Variants in DGKB observed in about 807,000 individuals in gnomAD.
The protein encoded by DGKB is 90 kDa diacylglycerol kinase.
Under a neutral mutation model 114.3 loss-of-function variants are expected in DGKB, and 67 were observed. The ratio of observed to expected loss-of-function variants is 0.59; its 90% CI spans 0.48 to 0.72. DGKB has a LOEUF of 0.72. DGKB is among the 30% of genes least tolerant of loss of function. The pLI is 0.00. For synonymous variants in DGKB, 398 were observed against 323.1 expected (o/e 1.23, Z -2.49); for missense variants, 907 against 975.2 (o/e 0.93, Z 0.93).
At chr7:14,286,723 T>G (rs553374861) in intron 23 of DGKB, among the ~76,000 whole-genome samples, 1 of 152,258 alleles carries the variant, frequency 6.6e-6, no homozygotes, top group African/African-American at 2.4e-5. Flanking sequence ...ATTAAATGTC[T>G]GGATAATTTC....
chr7:14,662,526 A>G (rs1047411072), intron 13 of DGKB, among the ~76,000 whole-genome samples: 1 of 151,960 alleles, frequency 6.6e-6, no homozygotes, highest in African/African-American at 2.4e-5. Flanking sequence ...ATTCTTCATA[A>G]AGATGTTCAC....
At chr7:14,526,815 CCA>C (rs1429796855) in intron 20 of DGKB, among the ~76,000 whole-genome samples, 2 of 151,938 alleles carry the variant, frequency 1.3e-5, no homozygotes, top group African/African-American at 2.4e-5. Flanking sequence ...TACACACACG[CCA>C]CACACAGACA....
chr7:14,577,744 C>CTAA (rs1262241600), intron 19 of DGKB, among the ~76,000 whole-genome samples: 1 of 152,080 alleles, frequency 6.6e-6, no homozygotes, highest in African/African-American at 2.4e-5. Context: ...AAAAAGAATG[C>CTAA]TAATTAAGCT....
chr7:14,627,588 G>GTA (rs1449265749), intron 14 of DGKB, among the ~76,000 whole-genome samples: 2 of 146,978 alleles, frequency 1.4e-5, no homozygotes, highest in Non-Finnish European at 3.0e-5. Flanking sequence ...GTCTGTGTCT[G>GTA]TGTGTGTGTG....
chr7:14,162,848 G>C (rs1024877473), intron 25 of DGKB, among the ~76,000 whole-genome samples: 1 of 152,114 alleles, frequency 6.6e-6, no homozygotes, highest in Admixed American at 6.6e-5. Context: ...TAATCAGCTT[G>C]GCATTAATTA....
intron 7 of DGKB, among the ~76,000 whole-genome samples, chr7:14,700,748 C>T (rs963281885): frequency 2.0e-5 from 3 of 152,122 alleles, no homozygotes; most frequent in African/African-American, 7.2e-5. Context: ...ACGAGAAAAA[C>T]TCACTCATTT....
chr7:14,646,044 T>G (rs2128884885), intron 13 of DGKB, among the ~76,000 whole-genome samples: 1 of 152,288 alleles, frequency 6.6e-6, no homozygotes, highest in Middle Eastern at 3.4e-3. Flanking sequence ...ATGAAGAGGT[T>G]TAATTCACCA....
intron 2 of DGKB, among the ~76,000 whole-genome samples, chr7:14,761,294 T>G (rs533484211): frequency 1.3e-5 from 2 of 152,160 alleles, no homozygotes; most frequent in Non-Finnish European, 2.9e-5. Flanking sequence ...GAGTTCAGGA[T>G]ATCCATAACC....
intron 23 of DGKB, among the ~76,000 whole-genome samples, chr7:14,184,571 A>G (rs1422614804): frequency 6.6e-6 from 1 of 152,042 alleles, no homozygotes; most frequent in East Asian, 1.9e-4. Flanking sequence ...TAGGTATACA[A>G]GTCCAGGGAC....
rs1432942673 is a variant in DGKB, at chr7:14,647,295, TAA to T, written c.1135-17029_1135-17028del. On this transcript the variant is annotated intron_variant, in intron 13 of 25. Transcript: ENST00000402815. The stretch of plus-strand genomic sequence containing the variant: ...AAAATCTGAACAGACCAATTACAAG[TAA>T]CAAGACTGAATCAGAAATAAAAAGT... Among the ~76,000 whole-genome samples the T allele has an allele frequency of 2.6e-5, 4 of 151,898 alleles. No homozygotes were observed. In the East Asian group the frequency reaches 7.7e-4, roughly 29 times the overall value.
At chr7:14,850,915 T>G (rs1252267632) in intron 1 of DGKB, among the ~76,000 whole-genome samples, 1 of 152,210 alleles carries the variant, frequency 6.6e-6, no homozygotes, top group Non-Finnish European at 1.5e-5. Flanking sequence ...CTTCACTGTG[T>G]AGTGAATCAT....
At chr7:14,567,190 T>G (rs1295883947) in intron 20 of DGKB, among the ~76,000 whole-genome samples, 1 of 78,838 alleles carries the variant, frequency 1.3e-5, no homozygotes, top group Admixed American at 2.3e-4. Context: ...TAATTATATA[T>G]TTATATATTA....
At chr7:14,653,071 T>G (rs1814946880) in intron 13 of DGKB, among the ~76,000 whole-genome samples, 1 of 151,042 alleles carries the variant, frequency 6.6e-6, no homozygotes, top group East Asian at 1.9e-4. Context: ...TGTAAACTAG[T>G]TCAACCATTG....
rs545019189 is a variant in DGKB, at chr7:14,694,684, G to C, written c.592-490C>G. On this transcript the variant is annotated intron_variant, in intron 8 of 25. Coordinates refer to ENST00000402815, the MANE Select transcript of DGKB (RefSeq NM_001350709.2). ...ATCAAATCAAGTTTAATTAAACTTC[G>C]TTTCTAAAGATGACTTGCACGTAAT... is the stretch of plus-strand genomic sequence containing the variant. 1.7e-3 allele frequency among the ~76,000 whole-genome samples: 252 copies of C among 152,136 alleles called. 1 individual carries two copies. Among genetic ancestry groups the C allele is most frequent in the African/African-American group, 5.9e-3 (243 of 41,508 alleles).
At chr7:14,268,082 G>A (rs553111904) in intron 23 of DGKB, among the ~76,000 whole-genome samples, 147 of 152,176 alleles carry the variant, frequency 9.7e-4, no homozygotes, top group African/African-American at 3.3e-3. Flanking sequence ...TATTCGTTTT[G>A]GAGATGAGTC....
chr7:14,702,730 A>G (rs2129013013), intron 6 of DGKB, among the ~76,000 whole-genome samples: 1 of 152,280 alleles, frequency 6.6e-6, no homozygotes, highest in Admixed American at 6.5e-5. Flanking sequence ...AAAGATGTTG[A>G]TTACTAAGCA....
chr7:14,170,096 T>G (rs1390567669), intron 25 of DGKB, among the ~76,000 whole-genome samples: 1 of 140,012 alleles, frequency 7.1e-6, no homozygotes, highest in Non-Finnish European at 1.5e-5. Flanking sequence ...ATCACACCAT[T>G]GCACTCCAGC....
chr7:14,456,056 T>C (rs111684542), intron 21 of DGKB, among the ~76,000 whole-genome samples: 3 of 152,042 alleles, frequency 2.0e-5, no homozygotes, highest in African/African-American at 7.2e-5. Context: ...GCCAACGGGA[T>C]GCCACATGTG....
chr7:14,823,152 AAAG>A (rs1170672454), intron 2 of DGKB, among the ~76,000 whole-genome samples: 1 of 151,848 alleles, frequency 6.6e-6, no homozygotes, highest in Non-Finnish European at 1.5e-5. Flanking sequence ...CAAAATTTGT[AAAG>A]AAACAGTGAG....
Sources: allele counts gnomAD v4.1 joint callset (sites outside exome capture counted in the v4.1 genomes callset), GRCh38; gene constraint gnomAD v4.1.1; transcripts MANE v1.5; gene names NCBI Gene and HGNC (gene_info 2026-07-23, HGNC 2026-07-21).